Variants in FAM90A1 observed in about 807,000 individuals in gnomAD.
The protein encoded by FAM90A1 is protein FAM90A1.
A neutral mutation model predicts 14.8 loss-of-function variants in FAM90A1; 10 were observed. The ratio of observed to expected loss-of-function variants is 0.67; its 90% confidence interval spans 0.42 to 1.14. FAM90A1 has a LOEUF of 1.14. Ranked by LOEUF, FAM90A1 falls within the 50% of genes most tolerant of loss-of-function variation. FAM90A1 has a pLI of 0.00. For synonymous variants in FAM90A1, 236 were observed against 248.4 expected, an observed-to-expected ratio of 0.95 and a Z score of 0.47; for missense variants, 567 against 602.8, an observed-to-expected ratio of 0.94 and a Z score of 0.62.
rs761331463 is a variant in FAM90A1 at position 8,224,153 on chromosome 12, C to T, written c.186G>A (p.Lys62=). The T allele has an allele frequency of 6.3e-5, 102 of 1,611,948 alleles. 1 individual carries two copies. The Admixed American group carries it at 1.6e-3, about 26-fold the overall frequency. The change falls in exon 5 of 7, where the codon AAG becomes AAA. Residue 62 remains lysine, a synonymous_variant. Coordinates refer to ENST00000538603, the MANE Select transcript of FAM90A1 (RefSeq NM_018088.3). The stretch of plus-strand genomic sequence containing the variant: ...GTGGAACCAGGGCTGCCTTCCAGCA[C>T]TTCATGGGGCACCTGGTACTTCTGG... ...HTARSTRCPM[K]CWKAALVPPN...
In FAM90A1 at chr12:8,222,238, C is replaced by T. The variant is rs750330922; in HGVS notation, c.979G>A (p.Ala327Thr). The T allele has an allele frequency of 5.6e-6, 9 of 1,610,412 alleles. No individual in the cohort carries two copies. The highest frequency in any genetic ancestry group is 6.8e-6 in the Non-Finnish European group (8 of 1,179,240). The change falls in exon 7 of 7, where the codon GCC becomes ACC. Residue 327 changes from alanine to threonine, a missense_variant. By Grantham distance (58) the Ala-to-Thr change is moderately conservative. Coordinates refer to ENST00000538603, the MANE Select transcript of FAM90A1 (RefSeq NM_018088.3). ...ESAIQGGELG[A>T]PENLQPPPAA... ...GGCGGAGGTTGGAGATTCTCCGGGGCCCCCAGCTCACCTCCCTGGATGGCG... is the reference window on the plus strand; with the variant it reads ...GGCGGAGGTTGGAGATTCTCCGGGGTCCCCAGCTCACCTCCCTGGATGGCG...
At position 8,221,772 on chromosome 12, in the gene FAM90A1, C is replaced by A; in HGVS notation, c.*50G>T. On this transcript the variant is annotated 3_prime_UTR_variant, in exon 7 of 7. Coordinates refer to ENST00000538603, the MANE Select transcript of FAM90A1 (RefSeq NM_018088.3). Reference sequence around the variant, plus strand: ...TCTGTGCTCCTCAGTCCCACAGTCCCCTCCAAGTCACGGGAGCTGGAGGCC... The same window carrying A: ...TCTGTGCTCCTCAGTCCCACAGTCCACTCCAAGTCACGGGAGCTGGAGGCC... 1 of 1,542,490 alleles carries A rather than the reference C, an allele frequency of 6.5e-7. No individual in the cohort carries two copies. Among genetic ancestry groups the A allele is most frequent in the South Asian group, 1.1e-5 (1 of 89,434 alleles).
chr12:8,224,097 T>C lies in FAM90A1; in HGVS notation c.242A>G (p.Asn81Ser). The C allele has an allele frequency of 6.2e-7, 1 of 1,612,010 alleles. No homozygotes were observed. Among genetic ancestry groups the C allele is most frequent in the Non-Finnish European group, 8.5e-7 (1 of 1,179,856 alleles). The change falls in exon 5 of 7, where the codon AAC (asparagine) becomes AGC (serine). Residue 81 changes from asparagine to serine, a missense_variant. Transcript: ENST00000538603. ...AACCTGGGGCTTCCATGGTTTCAGG[T>C]TTTCCTTCCCTTCCTTTTCCCCAAA... ...PNFGEKEGKENLKPWKPQVEA... is the reference protein window; with the variant it reads ...PNFGEKEGKESLKPWKPQVEA...
chr12:8,222,454 T>C lies in FAM90A1; in HGVS notation c.763A>G (p.Ser255Gly), dbSNP rs760515232. The C allele has an allele frequency of 1.5e-5, 24 of 1,597,966 alleles. 1 individual carries two copies. In the South Asian group the frequency reaches 2.1e-4, roughly 14 times the overall value. Residue 255 changes from serine (S) to glycine (G), a missense_variant, in exon 7 of 7, where the codon AGC (serine) becomes GGC (glycine). By Grantham distance (56) the Ser-to-Gly change is moderately conservative. Coordinates refer to ENST00000538603, the MANE Select transcript of FAM90A1 (RefSeq NM_018088.3). ...GGACGTTTGTCTTGTGCCTGGGGGC[T>C]GACGGCCTGGAGCAGGCCGTGGGTT... ...SKTHGLLQAVSPQAQDKRPAV... is the reference protein window; with the variant it reads ...SKTHGLLQAVGPQAQDKRPAV...
In FAM90A1 at chr12:8,221,711, G is replaced by C. The variant is rs781303049; in HGVS notation, c.*111C>G. On this transcript the variant is annotated 3_prime_UTR_variant, in exon 7 of 7. Coordinates refer to ENST00000538603, the MANE Select transcript of FAM90A1 (RefSeq NM_018088.3). ...CATCCACAGAAGGGCCACAGCCGGGGAGCTTCGGAGTCACCGCACAGAGTC... is the reference window on the plus strand; with the variant it reads ...CATCCACAGAAGGGCCACAGCCGGGCAGCTTCGGAGTCACCGCACAGAGTC... 184 of 1,246,562 alleles carry C rather than the reference G, an allele frequency of 1.5e-4. 1 individual carries two copies. The African/African-American group carries it at 2.3e-3, about 16-fold the overall frequency. The allele number at this position is 1,246,562 out of a possible 1,614,324, so 77.2% of individuals were successfully genotyped here.
chr12:8,222,478 T>C lies in FAM90A1; in HGVS notation c.739A>G (p.Thr247Ala), dbSNP rs756523844. 3 of 1,607,002 alleles carry C rather than the reference T, an allele frequency of 1.9e-6. No homozygotes were observed. Among genetic ancestry groups the C allele is most frequent in the Middle Eastern group, 4.5e-4 (2 of 4,406 alleles). The change falls in exon 7 of 7, where the codon ACC (threonine) becomes GCC (alanine). Residue 247 changes from threonine to alanine, a missense_variant. Coordinates refer to ENST00000538603, the MANE Select transcript of FAM90A1 (RefSeq NM_018088.3). ...CREVPQAASK[T>A]HGLLQAVSPQ... ...CTGACGGCCTGGAGCAGGCCGTGGG[T>C]TTTGGAGGCAGCCTGGGGAACTTCT...
At chr12:8,225,788 C>G (rs1338233817) in intron 3 of FAM90A1, 48 bp downstream of exon 3, 6 of 151,780 alleles carry the variant, frequency 4.0e-5, no homozygotes, top group African/African-American at 1.5e-4. Context: ...TTTTCCCCCC[C>G]ACCCCTCAGG....
intron 1 of FAM90A1, among the ~76,000 whole-genome samples, chr12:8,227,145 C>A (rs1316113716): frequency 6.6e-6 from 1 of 152,136 alleles, no homozygotes; most frequent in African/African-American, 2.4e-5. Flanking sequence ...ATTTTTCAAA[C>A]GGAAGAGCCC....
intron 1 of FAM90A1, 21 bp downstream of exon 1, chr12:8,227,459 G>T (rs1246232934): frequency 3.6e-6 from 2 of 562,704 alleles, no homozygotes; most frequent in Admixed American, 3.2e-5. Flanking sequence ...GTGGGCGGTC[G>T]GGTGCCAGGC....
chr12:8,223,127 C>T (rs1317488592), intron 6 of FAM90A1, among the ~76,000 whole-genome samples: 1 of 152,248 alleles, frequency 6.6e-6, no homozygotes, highest in East Asian at 1.9e-4. Flanking sequence ...GTACTCAGGA[C>T]GTCTTCTCTG....
In FAM90A1 at chr12:8,222,754, T is replaced by C. The variant is rs770387261; in HGVS notation, c.463A>G (p.Thr155Ala). Residue 155 changes from threonine (T) to alanine (A), a missense_variant, in exon 7 of 7, where the codon ACC (threonine) becomes GCC (alanine). Thr to Ala is a moderately conservative substitution (Grantham distance 58, BLOSUM62 0). Coordinates refer to ENST00000538603, the MANE Select transcript of FAM90A1 (RefSeq NM_018088.3). ...VASGPMPVHT[T>A]SKRPRVDPVL... ...GGGTCCACACGCGGCCTCTTACTGG[T>C]TGTGTGGACCGGCATTGGCCCGCTT... The C allele has an allele frequency of 3.7e-6, 6 of 1,601,836 alleles. No homozygotes were observed. Among genetic ancestry groups the C allele is most frequent in the Non-Finnish European group, 5.1e-6 (6 of 1,179,670 alleles).
intron 3 of FAM90A1, among the ~76,000 whole-genome samples, chr12:8,225,629 C>A (rs1398354012): frequency 3.9e-5 from 6 of 152,052 alleles, no homozygotes; most frequent in African/African-American, 1.4e-4. Context: ...CAGTACATTT[C>A]TTTTCGCATT....
At chr12:8,225,146 C>T (rs1368379675) in intron 3 of FAM90A1, among the ~76,000 whole-genome samples, 2 of 152,232 alleles carry the variant, frequency 1.3e-5, no homozygotes, top group Admixed American at 1.3e-4. Context: ...AGCTTTCAAC[C>T]CCAAACTAAC....
In FAM90A1 at chr12:8,223,910, C is replaced by T. The variant is rs778939640; in HGVS notation, c.323+106G>A. On this transcript the variant is annotated intron_variant, in intron 5 of 6. Transcript: ENST00000538603. ...TCCGGTCTGTTTCTCTGCAGCGTTCCTTCCCTGGCCCGGAGACGGAAAGGC... is the reference window on the plus strand; with the variant it reads ...TCCGGTCTGTTTCTCTGCAGCGTTCTTTCCCTGGCCCGGAGACGGAAAGGC... 4 of 1,168,066 alleles carry T rather than the reference C, an allele frequency of 3.4e-6. No individual in the cohort carries two copies. The African/African-American group carries it at 6.3e-5, about 18-fold the overall frequency. The allele number at this position is 1,168,066 out of a possible 1,614,324, so 72.4% of individuals were successfully genotyped here. A position where few individuals can be genotyped will look rare whatever the true frequency, so the allele number is the denominator to read the frequency against.
At position 8,226,260 on chromosome 12, in the gene FAM90A1, T is replaced by C. The variant is rs1479642715; in HGVS notation, c.-214+12A>G. The C allele has an allele frequency of 6.6e-6, 1 of 152,272 alleles. No individual in the cohort carries two copies. Among genetic ancestry groups the C allele is most frequent in the Non-Finnish European group, 1.5e-5 (1 of 68,078 alleles). 9.4% of individuals were successfully genotyped at this position (152,272 alleles called of 1,614,324 possible). A position where few individuals can be genotyped will look rare whatever the true frequency, so the allele number is the denominator to read the frequency against. On this transcript the variant is annotated intron_variant, in intron 2 of 6. Coordinates refer to ENST00000538603, the MANE Select transcript of FAM90A1 (RefSeq NM_018088.3). ...TTTTGTTTTGTTTTAAAAAATGTGGTAAAATAGACACCTTTTAATTGGACC... is the reference window on the plus strand; with the variant it reads ...TTTTGTTTTGTTTTAAAAAATGTGGCAAAATAGACACCTTTTAATTGGACC...
rs1406786062 is a variant in FAM90A1 at position 8,221,561 on chromosome 12, C to G, written c.*261G>C. On this transcript the variant is annotated 3_prime_UTR_variant, in exon 7 of 7. Transcript: ENST00000538603. ...GCGCGTCATGCAGTTTCTGAGGCAACGAATCACTGGCACGGAAGCTTTTCC... is the reference window on the plus strand; with the variant it reads ...GCGCGTCATGCAGTTTCTGAGGCAAGGAATCACTGGCACGGAAGCTTTTCC... 5.4e-6 allele frequency: 3 copies of G among 551,788 alleles called. No individual in the cohort carries two copies. The East Asian group carries it at 9.8e-5, about 18-fold the overall frequency. 34.2% of individuals were successfully genotyped at this position (551,788 alleles called of 1,614,324 possible). A position where few individuals can be genotyped will look rare whatever the true frequency, so the allele number is the denominator to read the frequency against.
chr12:8,223,824 G>A (rs1381717654), intron 5 of FAM90A1, among the ~76,000 whole-genome samples, 192 bp downstream of exon 5: 7 of 151,928 alleles, frequency 4.6e-5, no homozygotes, highest in Admixed American at 2.0e-4. Flanking sequence ...GCCCCTCCCC[G>A]TCCCTGAATC....
Position 8,227,026 on chromosome 12 carries a change from C to T in FAM90A1, c.-421+454G>A, listed in dbSNP as rs1210241002. The stretch of plus-strand genomic sequence containing the variant: ...CCATGTTGGCCAGGCTGGTCTTGAA[C>T]TCCTGACCTCAGGTGATCCACCTGC... On this transcript the variant is annotated intron_variant, in intron 1 of 6. Transcript: ENST00000538603. 2.0e-5 allele frequency among the ~76,000 whole-genome samples: 3 copies of T among 152,104 alleles called. No homozygotes were observed. The East Asian group carries it at 5.8e-4, about 29-fold the overall frequency.
Position 8,223,569 on chromosome 12 carries a change from A to T in FAM90A1, c.324-12T>A. 6.8e-7 allele frequency: 1 copy of T among 1,467,378 alleles called. No homozygotes were observed. The highest frequency in any genetic ancestry group is 1.1e-5 in the South Asian group (1 of 88,164). The allele number at this position is 1,467,378 out of a possible 1,614,324, so 90.9% of individuals were successfully genotyped here. Reference sequence around the variant, plus strand: ...GCGGGTCTTGTGGCCTGCAGAACAGAAAAAGGTCAGGCCGTCCTCCCTGGT... The same window carrying T: ...GCGGGTCTTGTGGCCTGCAGAACAGTAAAAGGTCAGGCCGTCCTCCCTGGT... On this transcript the variant is annotated splice_polypyrimidine_tract_variant and intron_variant, in intron 5 of 6. Transcript: ENST00000538603.
Sources: allele counts gnomAD v4.1 joint callset (sites outside exome capture counted in the v4.1 genomes callset), GRCh38; gene constraint gnomAD v4.1.1; transcripts MANE v1.5; gene names NCBI Gene and HGNC (gene_info 2026-07-23, HGNC 2026-07-21).